The following DEPDC5 variants were observed in gnomAD, a reference collection of about 807,000 sequenced individuals.
DEPDC5 encodes the protein DEP domain containing 5, GATOR1 subcomplex subunit.
Under a neutral mutation model 217.3 loss-of-function variants are expected in DEPDC5, and 73 were observed. The observed-to-expected ratio is 0.34, with a 90% CI of 0.28 to 0.41. The LOEUF (loss-of-function observed/expected upper bound fraction) is 0.41. Among genes scored for constraint, DEPDC5 ranks in the 10% least tolerant of loss-of-function variants. The probability of loss-of-function intolerance (pLI) is 1.00; values close to 1 mark genes in which losing one functional copy is unlikely to be tolerated. For synonymous variants in DEPDC5, 733 were observed against 756.7 expected (o/e 0.97, Z 0.51); for missense variants, 1,675 against 2,070.1 (o/e 0.81, Z 3.70).
intron 4 of DEPDC5, among the ~76,000 whole-genome samples, chr22:31,761,767 C>T (rs1051701886): frequency 2.0e-5 from 3 of 150,966 alleles, no homozygotes; most frequent in Non-Finnish European, 2.9e-5. Flanking sequence ...CAGGAGTTTG[C>T]GACCAGCCTG....
At chr22:31,767,044 T>C (rs1442591375) in intron 6 of DEPDC5, among the ~76,000 whole-genome samples, 1 of 152,198 alleles carries the variant, frequency 6.6e-6, no homozygotes, top group Non-Finnish European at 1.5e-5. Context: ...TGCCCAAGGC[T>C]AGATAGTAAG....
chr22:31,766,364 T>A (rs898289073), intron 5 of DEPDC5, among the ~76,000 whole-genome samples: 12 of 152,204 alleles, frequency 7.9e-5, no homozygotes, highest in Non-Finnish European at 1.2e-4. Flanking sequence ...TCACACTCAA[T>A]GTGCTACAGC....
intron 26 of DEPDC5, among the ~76,000 whole-genome samples, chr22:31,838,209 C>G (rs1045645882): frequency 3.3e-5 from 5 of 152,154 alleles, no homozygotes; most frequent in African/African-American, 9.7e-5. Flanking sequence ...TTACCTGCCT[C>G]TTTTCACCTC....
intron 7 of DEPDC5, 164 bp downstream of exon 7, chr22:31,769,027 A>G (rs1270241587): frequency 5.2e-5 from 40 of 769,190 alleles, no homozygotes; most frequent in South Asian, 2.3e-4. Flanking sequence ...TTGGGAGGCC[A>G]AGGTGGGCGG....
chr22:31,859,474 C>G (rs2092435644), intron 32 of DEPDC5, among the ~76,000 whole-genome samples: 2 of 151,438 alleles, frequency 1.3e-5, no homozygotes, highest in Non-Finnish European at 2.9e-5. Flanking sequence ...CAACTGCAAC[C>G]TCAGCCTCCC....
intron 9 of DEPDC5, chr22:31,784,444 C>A: frequency 4.9e-6 from 1 of 204,398 alleles, no homozygotes; most frequent in Non-Finnish European, 9.9e-6. Flanking sequence ...GCCTGACCAA[C>A]ATCGGGAAAC....
rs114526034 is a variant in DEPDC5, at chr22:31,798,505, A to G, written c.872-77A>G. 3,411 of 1,315,244 alleles carry G rather than the reference A, an allele frequency of 2.6e-3. 58 individuals are homozygous for G. In the African/African-American group the frequency reaches 0.039, roughly 15 times the overall value. The allele number at this position is 1,315,244 out of a possible 1,614,324, so 81.5% of individuals were successfully genotyped here. A position where few individuals can be genotyped will look rare whatever the true frequency, so the allele number is the denominator to read the frequency against. On this transcript the variant is annotated intron_variant, in intron 13 of 42. Transcript: ENST00000651528. ...TCCACTCCAGCCTGGGTGACACAGCAAGGCTTCGTTTAAAATTAAAAAAAA... is the reference window on the plus strand; with the variant it reads ...TCCACTCCAGCCTGGGTGACACAGCGAGGCTTCGTTTAAAATTAAAAAAAA...
chr22:31,789,237 A>T (rs1176721883), intron 10 of DEPDC5, among the ~76,000 whole-genome samples: 1 of 152,250 alleles, frequency 6.6e-6, no homozygotes, highest in African/African-American at 2.4e-5. Flanking sequence ...CACAAATAAC[A>T]AATGTCTGTC....
chr22:31,844,888 G>A lies in DEPDC5; in HGVS notation c.2802-130G>A, dbSNP rs2091631938. On this transcript the variant is annotated intron_variant, in intron 29 of 42. Coordinates refer to ENST00000651528, the MANE Select transcript of DEPDC5 (RefSeq NM_001242896.3). ...TGTATTTTCAACAAAGCCATGAGCT[G>A]TAGCATCAAATGAGCACATACTCAT... The A allele has an allele frequency of 5.5e-6, 5 of 916,494 alleles. No homozygotes were observed. In the South Asian group the frequency reaches 5.7e-5, roughly 10 times the overall value. 56.8% of individuals were successfully genotyped at this position (916,494 alleles called of 1,614,324 possible).
intron 25 of DEPDC5, 83 bp downstream of exon 25, chr22:31,834,063 G>T (rs975170086): frequency 7.1e-7 from 1 of 1,401,160 alleles, no homozygotes. Flanking sequence ...AGGAAGCCCT[G>T]TGGGAAGTGA....
chr22:31,843,132 G>A lies in DEPDC5; in HGVS notation c.2553G>A (p.Gln851=), dbSNP rs368375649. The A allele has an allele frequency of 6.2e-7, 1 of 1,614,044 alleles. No homozygotes were observed. Among genetic ancestry groups the A allele is most frequent in the African/African-American group, 1.3e-5 (1 of 74,930 alleles). The change falls in exon 28 of 43, where the codon CAG becomes CAA. Residue 851 remains glutamine (Q), a synonymous_variant. Coordinates refer to ENST00000651528, the MANE Select transcript of DEPDC5 (RefSeq NM_001242896.3). ...GAAACCGCCCTGAGGAGGAGGACCA[G>A]TATTGGCTGAGTATGGGCAGAACGT... ...VSRNRPEEED[Q]YWLSMGRTFH...
intron 17 of DEPDC5, 100 bp from the exon 18 acceptor site, chr22:31,806,022 C>A: frequency 1.1e-6 from 1 of 945,064 alleles, no homozygotes; most frequent in Non-Finnish European, 1.6e-6. Flanking sequence ...AGAACAAAGC[C>A]CATGTCAGGA....
intron 19 of DEPDC5, 80 bp downstream of exon 19, chr22:31,809,727 C>A: frequency 6.6e-7 from 1 of 1,506,836 alleles, no homozygotes; most frequent in South Asian, 1.1e-5. Context: ...CGCCTATAAT[C>A]CCAGCACTTT....
Position 31,786,260 on chromosome 22 carries a change from A to G in DEPDC5, c.624+1385A>G, listed in dbSNP as rs146514318. On this transcript the variant is annotated intron_variant, in intron 10 of 42. Coordinates refer to ENST00000651528, the MANE Select transcript of DEPDC5 (RefSeq NM_001242896.3). Reference sequence around the variant, plus strand: ...AACAGAGTGAGACTCCATCTCATAAATAAATAAATAAAGAGCTAAAATTAT... The same window carrying G: ...AACAGAGTGAGACTCCATCTCATAAGTAAATAAATAAAGAGCTAAAATTAT... Among the ~76,000 whole-genome samples, 58 of 150,192 alleles carry G rather than the reference A, an allele frequency of 3.9e-4. No homozygotes were observed. The East Asian group carries it at 9.9e-3, about 26-fold the overall frequency.
chr22:31,857,311 T>G (rs1363565969), intron 31 of DEPDC5, 134 bp from the exon 32 acceptor site: 1 of 676,286 alleles, frequency 1.5e-6, no homozygotes, highest in Non-Finnish European at 2.5e-6. Flanking sequence ...ATCATGAAGG[T>G]CTGGAAAGGG....
rs969511301 is a variant in DEPDC5 at position 31,812,503 on chromosome 22, C to T, written c.1445+1862C>T. On this transcript the variant is annotated intron_variant, in intron 20 of 42. Transcript: ENST00000651528. ...GTAGTGGCGCGATCTCGGCTCACTG[C>T]AAGCTCTGCCTCCCAGCTTCGCACC... 3.4e-5 allele frequency among the ~76,000 whole-genome samples: 5 copies of T among 145,828 alleles called. No homozygotes were observed. In the Admixed American group the frequency reaches 3.5e-4, roughly 10 times the overall value.
chr22:31,835,060 A>G (rs2090894419), intron 25 of DEPDC5, among the ~76,000 whole-genome samples: 1 of 152,146 alleles, frequency 6.6e-6, no homozygotes, highest in Non-Finnish European at 1.5e-5. Flanking sequence ...TGGGAGGCTG[A>G]GGTGGGTGCT....
chr22:31,822,577 C>G (rs2089798599), intron 23 of DEPDC5, 116 bp from the exon 24 acceptor site: 2 of 946,770 alleles, frequency 2.1e-6, no homozygotes, highest in African/African-American at 1.6e-5. Context: ...CTTGAGTTGG[C>G]TGAATATTCA....
At chr22:31,850,314 A>G (rs564176905) in intron 31 of DEPDC5, among the ~76,000 whole-genome samples, 1 of 152,202 alleles carries the variant, frequency 6.6e-6, no homozygotes, top group African/African-American at 2.4e-5. Flanking sequence ...TCAATGCTCA[A>G]TTTCAGTTAC....
Sources: gnomAD v4.1 joint callset for allele counts (sites outside exome capture counted in the v4.1 genomes callset) on GRCh38, gnomAD v4.1.1 for gene constraint, MANE v1.5 for transcripts, NCBI Gene and HGNC (gene_info 2026-07-23, HGNC 2026-07-21) for gene names.